DHRSX: variants seen among roughly 807,000 people sequenced by gnomAD.
The protein encoded by DHRSX is dehydrogenase/reductase X-linked, also known as polyprenol dehydrogenase.
In DHRSX, 31 loss-of-function variants were observed where a neutral mutation model predicts 34.0. That is an observed-to-expected ratio of 0.91 (90% CI 0.69 to 1.23). The LOEUF (loss-of-function observed/expected upper bound fraction) is 1.23, where lower values mean the gene tolerates loss of function less well. Ranked by LOEUF, DHRSX falls within the 50% of genes most tolerant of loss-of-function variation. The pLI, the probability that DHRSX is intolerant of heterozygous loss-of-function variation, is 0.00. For synonymous variants in DHRSX, 201 were observed against 183.8 expected (o/e 1.09, Z -0.76); for missense variants, 414 against 428.1 (o/e 0.97, Z 0.29).
Position 2,275,836 on chromosome X carries a change from T to A in DHRSX, c.389-8889A>T, listed in dbSNP as rs188208169. Among the ~76,000 whole-genome samples, 482 of 142,594 alleles carry A rather than the reference T, an allele frequency of 3.4e-3. 13 individuals carry two copies. The East Asian group carries it at 0.057, about 17-fold the overall frequency. The allele number at this position is 142,594 out of a possible 152,430, so 93.5% of individuals were successfully genotyped here. The stretch of plus-strand genomic sequence containing the variant: ...AATAAAATAATAATTTGCCTTTTTT[T>A]AAAAATTTTAATTTAATTTTATTTT... On this transcript the variant is annotated intron_variant, in intron 4 of 6. Coordinates refer to ENST00000334651, the MANE Select transcript of DHRSX (RefSeq NM_145177.3).
At chrX:2,477,667 GA>G (rs1465673733) in intron 1 of DHRSX, among the ~76,000 whole-genome samples, 3 of 152,116 alleles carry the variant, frequency 2.0e-5, no homozygotes, top group Non-Finnish European at 2.9e-5. Context: ...CCAACATGAA[GA>G]ACACCCATCT....
intron 3 of DHRSX, among the ~76,000 whole-genome samples, chrX:2,330,224 A>G (rs767111858): frequency 1.0e-4 from 14 of 140,320 alleles, no homozygotes; most frequent in Admixed American, 2.9e-4. Context: ...AGGAGAAGGG[A>G]AAAAAAAAGT....
rs1350406494 is a variant in DHRSX at position 2,221,119 on chromosome X, G to C, written c.915C>G (p.Val305=). Residue 305 remains valine, a synonymous_variant, in exon 7 of 7, where the codon GTC becomes GTG. Transcript: ENST00000334651. ...YNEKETKSLH[V]TYNQKLQQQL... is the part of the protein sequence containing the mutation. ...GCTGCTGCAGTTTCTGGTTGTAGGT[G>C]ACGTGGAGGGACTTGGTCTCTTTCT... The C allele has an allele frequency of 6.2e-7, 1 of 1,613,946 alleles. No homozygotes were observed. The highest frequency in any genetic ancestry group is 2.2e-5 in the East Asian group (1 of 44,880).
chrX:2,465,156 A>G (rs1484773051), intron 1 of DHRSX, among the ~76,000 whole-genome samples: 1 of 152,128 alleles, frequency 6.6e-6, no homozygotes, highest in Admixed American at 6.5e-5. Context: ...GCATGTGGCC[A>G]AGGGAACAAA....
intron 6 of DHRSX, among the ~76,000 whole-genome samples, chrX:2,229,875 G>A (rs1301336983): frequency 6.6e-6 from 1 of 152,180 alleles, no homozygotes. Context: ...GTATGTGCAT[G>A]TCTGTATGTA....
At chrX:2,362,157 TTTCA>T (rs948335007) in intron 3 of DHRSX, among the ~76,000 whole-genome samples, 2 of 152,296 alleles carry the variant, frequency 1.3e-5, no homozygotes, top group Admixed American at 1.3e-4. Context: ...GTCACTGTTA[TTTCA>T]TTGATTTTCC....
At chrX:2,408,548 T>C (rs972316338) in intron 3 of DHRSX, among the ~76,000 whole-genome samples, 197 bp downstream of exon 3, 2 of 152,104 alleles carry the variant, frequency 1.3e-5, no homozygotes, top group African/African-American at 2.4e-5. Context: ...AGCTGAGTGA[T>C]GCTATCTTCG....
intron 2 of DHRSX, among the ~76,000 whole-genome samples, chrX:2,409,137 G>T (rs2043595517): frequency 6.6e-6 from 1 of 152,208 alleles, no homozygotes; most frequent in Admixed American, 6.6e-5. Flanking sequence ...CATAAAAAAT[G>T]TGCATTAAAA....
At chrX:2,450,239 G>C (rs887288287) in intron 1 of DHRSX, among the ~76,000 whole-genome samples, 8 of 152,076 alleles carry the variant, frequency 5.3e-5, no homozygotes, top group Non-Finnish European at 1.0e-4. Context: ...CAAGAACAGT[G>C]TTTATGTTTA....
intron 4 of DHRSX, among the ~76,000 whole-genome samples, chrX:2,270,371 C>T (rs1306334538): frequency 6.6e-6 from 1 of 152,108 alleles, no homozygotes; most frequent in Non-Finnish European, 1.5e-5. Context: ...CTAGGAATTA[C>T]GAGACAGTTA....
intron 6 of DHRSX, among the ~76,000 whole-genome samples, chrX:2,225,636 A>C (rs2015641441): frequency 6.6e-6 from 1 of 151,136 alleles, no homozygotes; most frequent in African/African-American, 2.4e-5. Context: ...TAAGCCACCC[A>C]GTCTATGGTA....
chrX:2,224,734 A>G (rs73626156), intron 6 of DHRSX, among the ~76,000 whole-genome samples: 131,759 of 151,956 alleles, frequency 0.87, 57,653 homozygotes, highest in African/African-American at 0.96. Flanking sequence ...ATGCATACGC[A>G]CACACACATG....
chrX:2,340,561 T>A (rs1216889916), intron 3 of DHRSX, among the ~76,000 whole-genome samples: 2 of 152,066 alleles, frequency 1.3e-5, no homozygotes, highest in African/African-American at 2.4e-5. Context: ...TCACGGACAT[T>A]ATTGCCTGTG....
At chrX:2,445,030 A>G (rs1278400072) in intron 1 of DHRSX, among the ~76,000 whole-genome samples, 2 of 151,830 alleles carry the variant, frequency 1.3e-5, no homozygotes, top group Non-Finnish European at 2.9e-5. Context: ...GGTGGCGGAC[A>G]CCGGTAATCC....
At chrX:2,474,873 C>T (rs116007760) in intron 1 of DHRSX, among the ~76,000 whole-genome samples, 30,692 of 150,242 alleles carry the variant, frequency 0.2, 4,149 homozygotes, top group African/African-American at 0.39. Context: ...ACACTTAAGA[C>T]GTTCCCTAAG....
intron 3 of DHRSX, among the ~76,000 whole-genome samples, chrX:2,320,861 A>G (rs183257013): frequency 0.012 from 1,817 of 152,110 alleles, 36 homozygotes; most frequent in African/African-American, 0.04. Context: ...AAAGAGGGTT[A>G]AGTGCAAGAC....
Position 2,451,024 on chromosome X carries a change from G to A in DHRSX, c.110-25720C>T, listed in dbSNP as rs191147912. 5.3e-5 allele frequency among the ~76,000 whole-genome samples: 8 copies of A among 152,078 alleles called. No homozygotes were observed. The East Asian group carries it at 1.2e-3, about 22-fold the overall frequency. ...TGGGTCCCCACCAGACACTGAATCCGCCACGATCTTAAACCTCCAACCTTT... is the reference window on the plus strand; with the variant it reads ...TGGGTCCCCACCAGACACTGAATCCACCACGATCTTAAACCTCCAACCTTT... On this transcript the variant is annotated intron_variant, in intron 1 of 6. Transcript: ENST00000334651.
chrX:2,494,490 C>T (rs1430840418), intron 1 of DHRSX, among the ~76,000 whole-genome samples: 2 of 151,462 alleles, frequency 1.3e-5, no homozygotes, highest in African/African-American at 2.4e-5. Context: ...GGTGCCAGGA[C>T]CTGTAGTAAA....
chrX:2,425,325 A>C, intron 1 of DHRSX, 21 bp from the exon 2 acceptor site: 6 of 1,578,396 alleles, frequency 3.8e-6, no homozygotes, highest in Non-Finnish European at 5.2e-6. Flanking sequence ...AGAAGAGAAA[A>C]TCATCAAACT....
Sources: allele counts gnomAD v4.1 joint callset (sites outside exome capture counted in the v4.1 genomes callset), GRCh38; gene constraint gnomAD v4.1.1; transcripts MANE v1.5; gene names NCBI Gene and HGNC (gene_info 2026-07-23, HGNC 2026-07-21).